Variants in SNX29 observed in about 807,000 individuals in gnomAD.
SNX29 encodes sorting nexin 29.
In SNX29, 78 loss-of-function variants were observed where a neutral mutation model predicts 102.1. The ratio of observed to expected loss-of-function variants is 0.76; its 90% CI spans 0.64 to 0.92. The LOEUF (loss-of-function observed/expected upper bound fraction) is 0.92, where lower values mean the gene tolerates loss of function less well. SNX29 is among the 40% of genes least tolerant of loss of function. The pLI, the probability that SNX29 is intolerant of heterozygous loss-of-function variation, is 0.00. For synonymous variants in SNX29, 580 were observed against 414.5 expected, an observed-to-expected ratio of 1.40 and a Z score of -4.85; for missense variants, 1,280 against 1,061.7, an observed-to-expected ratio of 1.21 and a Z score of -2.86.
In SNX29 at chr16:12,566,366, C is replaced by G. The variant is rs4781261; in HGVS notation, c.2319-2140C>G. 1.1e-4 allele frequency among the ~76,000 whole-genome samples: 17 copies of G among 152,300 alleles called. No homozygotes were observed. In the South Asian group the frequency reaches 2.3e-3, roughly 20 times the overall value. On this transcript the variant is annotated intron_variant, in intron 20 of 20. Transcript: ENST00000566228. ...CCCCACCGACTGCTACCTCTCCTCT[C>G]CCAACCAACAAGGCACTGGCCTCTC...
chr16:12,156,656 T>C (rs916639233), intron 13 of SNX29, among the ~76,000 whole-genome samples: 1 of 152,256 alleles, frequency 6.6e-6, no homozygotes, highest in Non-Finnish European at 1.5e-5. Flanking sequence ...GAGAGCCGTG[T>C]TTTGTTTCTC....
intron 3 of SNX29, among the ~76,000 whole-genome samples, chr16:12,004,555 A>G (rs2056393309): frequency 6.6e-6 from 1 of 152,074 alleles, no homozygotes; most frequent in African/African-American, 2.4e-5. Flanking sequence ...CAGGAGGGAC[A>G]TTCCTGTGTG....
At chr16:12,557,027 C>A (rs987459537) in intron 20 of SNX29, among the ~76,000 whole-genome samples, 2 of 20,598 alleles carry the variant, frequency 9.7e-5, no homozygotes, top group East Asian at 4.4e-4. Context: ...CCCCCCCCCG[C>A]CCCAAGATGA....
At position 12,356,187 on chromosome 16, in the gene SNX29, A is replaced by C; in HGVS notation, c.1807A>C (p.Ile603Leu). ...IEVAEMHGEL[I>L]EFNERLHRAL... ...GGTGGCAGAGATGCATGGCGAGCTGATTGAGTTCAACGAGCGCCTGCACAG... is the reference window on the plus strand; with the variant it reads ...GGTGGCAGAGATGCATGGCGAGCTGCTTGAGTTCAACGAGCGCCTGCACAG... The change falls in exon 16 of 21, where the codon ATT becomes CTT. Residue 603 changes from isoleucine to leucine, a missense_variant. Coordinates refer to ENST00000566228, the MANE Select transcript of SNX29 (RefSeq NM_032167.5). 6.2e-7 allele frequency: 1 copy of C among 1,613,212 alleles called. No homozygotes were observed. The highest frequency in any genetic ancestry group is 8.5e-7 in the Non-Finnish European group (1 of 1,179,694).
chr16:12,073,708 A>G (rs2051409731), intron 10 of SNX29, among the ~76,000 whole-genome samples: 1 of 152,142 alleles, frequency 6.6e-6, no homozygotes, highest in East Asian at 1.9e-4. Context: ...GCTGAGTTCA[A>G]TTCCTGGGTA....
chr16:12,223,924 T>G (rs756892653), intron 14 of SNX29, among the ~76,000 whole-genome samples: 1 of 152,128 alleles, frequency 6.6e-6, no homozygotes, highest in Non-Finnish European at 1.5e-5. Flanking sequence ...CTGTTGGACA[T>G]ACGAAGAAAC....
chr16:12,216,097 T>G (rs765704838), intron 14 of SNX29, among the ~76,000 whole-genome samples: 9 of 152,196 alleles, frequency 5.9e-5, no homozygotes, highest in Non-Finnish European at 1.2e-4. Context: ...ATAAAGTTGT[T>G]GAAAAACAAT....
chr16:12,116,846 G>A (rs1488049384), intron 11 of SNX29, among the ~76,000 whole-genome samples: 1 of 151,558 alleles, frequency 6.6e-6, no homozygotes, highest in Non-Finnish European at 1.5e-5. Flanking sequence ...GCTTCAACGA[G>A]GACGAACCAT....
chr16:12,543,299 C>G (rs1008618323), intron 20 of SNX29, among the ~76,000 whole-genome samples: 1 of 152,096 alleles, frequency 6.6e-6, no homozygotes, highest in African/African-American at 2.4e-5. Flanking sequence ...GCCTGTGGCC[C>G]GGGGAATGGA....
At chr16:12,192,901 CA>C (rs1380272931) in intron 13 of SNX29, among the ~76,000 whole-genome samples, 1 of 152,126 alleles carries the variant, frequency 6.6e-6, no homozygotes, top group Non-Finnish European at 1.5e-5. Context: ...AGGGTTTCAC[CA>C]TGTTGGCCAG....
At chr16:12,245,767 G>T (rs2078241919) in intron 14 of SNX29, among the ~76,000 whole-genome samples, 1 of 152,110 alleles carries the variant, frequency 6.6e-6, no homozygotes, top group African/African-American at 2.4e-5. Context: ...TGTGTTGGCA[G>T]CTCTGGGGCA....
intron 15 of SNX29, 135 bp downstream of exon 15, chr16:12,278,171 A>C: frequency 1.5e-6 from 1 of 689,102 alleles, no homozygotes; most frequent in Middle Eastern, 2.5e-4. Context: ...AAAACAAAGC[A>C]AGACCAAATC....
At chr16:12,196,726 T>C (rs1351399883) in intron 13 of SNX29, among the ~76,000 whole-genome samples, 1 of 149,376 alleles carries the variant, frequency 6.7e-6, no homozygotes, top group Non-Finnish European at 1.5e-5. Flanking sequence ...GTTCAAGCAA[T>C]TCTTCTGCCT....
At chr16:12,315,797 T>C (rs565017759) in intron 15 of SNX29, among the ~76,000 whole-genome samples, 14 of 152,290 alleles carry the variant, frequency 9.2e-5, no homozygotes, top group South Asian at 8.3e-4. Context: ...TTTACAAAAA[T>C]GGATGATGGG....
chr16:12,214,489 C>G (rs1277053350), intron 14 of SNX29, among the ~76,000 whole-genome samples: 1 of 152,094 alleles, frequency 6.6e-6, no homozygotes. Context: ...CTAATTGCAG[C>G]TTTTGTAAGG....
chr16:12,183,827 C>G (rs187907557), intron 13 of SNX29, among the ~76,000 whole-genome samples: 1 of 152,190 alleles, frequency 6.6e-6, no homozygotes, highest in South Asian at 2.1e-4. Context: ...CTGAATCCCA[C>G]CAAAACCACG....
intron 14 of SNX29, among the ~76,000 whole-genome samples, chr16:12,240,995 A>C (rs1473582393): frequency 1.3e-5 from 2 of 152,090 alleles, no homozygotes; most frequent in African/African-American, 2.4e-5. Context: ...TTACCTAATC[A>C]AATCCGGTGA....
At chr16:12,547,372 G>C (rs146022015) in intron 20 of SNX29, among the ~76,000 whole-genome samples, 1 of 152,196 alleles carries the variant, frequency 6.6e-6, no homozygotes, top group African/African-American at 2.4e-5. Flanking sequence ...AGTCAGCAAA[G>C]GGTAGAGCTT....
At chr16:12,538,680 C>T (rs926948666) in intron 20 of SNX29, among the ~76,000 whole-genome samples, 14 of 152,150 alleles carry the variant, frequency 9.2e-5, no homozygotes, top group African/African-American at 1.2e-4. Context: ...TTTCATCCTC[C>T]TCCCAGGACC....
Sources: allele counts gnomAD v4.1 joint callset (sites outside exome capture counted in the v4.1 genomes callset), GRCh38; gene constraint gnomAD v4.1.1; transcripts MANE v1.5; gene names NCBI Gene and HGNC (gene_info 2026-07-23, HGNC 2026-07-21).